The following LYN variants were observed in gnomAD, a reference collection of about 807,000 sequenced individuals.
The protein encoded by LYN is LYN proto-oncogene, Src family tyrosine kinase.
Under a neutral mutation model 65.0 loss-of-function variants are expected in LYN, and 12 were observed. That is an observed-to-expected ratio of 0.18 (90% CI 0.12 to 0.30). LYN has a LOEUF of 0.30. Ranked by LOEUF, LYN falls within the 10% of genes least tolerant of loss-of-function variation. The pLI is 1.00. For synonymous variants in LYN, 222 were observed against 221.2 expected, an observed-to-expected ratio of 1.00 and a Z score of -0.03; for missense variants, 380 against 623.2, an observed-to-expected ratio of 0.61 and a Z score of 4.16.
chr8:55,881,373 T>C (rs1050662328), intron 1 of LYN, among the ~76,000 whole-genome samples: 1 of 152,216 alleles, frequency 6.6e-6, no homozygotes, highest in Admixed American at 6.5e-5. Flanking sequence ...AGGGATGTTT[T>C]CTCTGTACAG....
At chr8:55,910,504 GTGTATCTA>G (rs1336023955) in intron 1 of LYN, among the ~76,000 whole-genome samples, 1 of 152,076 alleles carries the variant, frequency 6.6e-6, no homozygotes. Context: ...CCATTGATCT[GTGTATCTA>G]TTTTTATGCC....
At position 55,998,367 on chromosome 8, in the gene LYN, A is replaced by G. The variant is rs1808433622; in HGVS notation, c.1072A>G (p.Ile358Val). 6.2e-7 allele frequency: 1 copy of G among 1,613,722 alleles called. No homozygotes were observed. Among genetic ancestry groups the G allele is most frequent in the South Asian group, 1.1e-5 (1 of 91,080 alleles). ...SAQIAEGMAY[I>V]ERKNYIHRDL... ...TCAGATTGCAGAGGGAATGGCATAC[A>G]TCGAGCGGAAGAACTACATTCACCG... is the stretch of plus-strand genomic sequence containing the variant. Residue 358 changes from isoleucine (I) to valine (V), a missense_variant, in exon 11 of 13, where the codon ATC becomes GTC. Ile to Val is a conservative substitution (Grantham distance 29). Around this residue, in one of 2 missense-constraint regions of LYN, gnomAD observed 223 missense variants for 430.0 expected, o/e 0.52. Coordinates refer to ENST00000519728, the MANE Select transcript of LYN (RefSeq NM_002350.4).
At chr8:55,969,228 A>C (rs1807543165) in intron 9 of LYN, among the ~76,000 whole-genome samples, 1 of 152,246 alleles carries the variant, frequency 6.6e-6, no homozygotes, top group Non-Finnish European at 1.5e-5. Context: ...AGATGTAATC[A>C]TGCCACTGCG....
intron 1 of LYN, among the ~76,000 whole-genome samples, chr8:55,891,575 G>A (rs1222296248): frequency 6.6e-6 from 1 of 152,150 alleles, no homozygotes; most frequent in Non-Finnish European, 1.5e-5. Flanking sequence ...TGGGTACAGA[G>A]TTTCAGTTTT....
At chr8:55,960,120 AAAT>A (rs1407042362) in intron 8 of LYN, among the ~76,000 whole-genome samples, 1 of 152,228 alleles carries the variant, frequency 6.6e-6, no homozygotes, top group Non-Finnish European at 1.5e-5. Flanking sequence ...CTGAATATGC[AAAT>A]AACTGATGAA....
chr8:56,003,754 AAAAG>A (rs923978251), intron 12 of LYN, among the ~76,000 whole-genome samples: 1 of 151,944 alleles, frequency 6.6e-6, no homozygotes, highest in African/African-American at 2.4e-5. Context: ...GGAAAAAGAA[AAAAG>A]AAAGTCACAT....
intron 6 of LYN, among the ~76,000 whole-genome samples, 175 bp downstream of exon 6, chr8:55,950,959 A>G (rs1363412483): frequency 1.3e-5 from 2 of 152,210 alleles, no homozygotes; most frequent in Non-Finnish European, 2.9e-5. Context: ...TAAAAGTAAT[A>G]TAGTTGAGTG....
chr8:55,939,534 G>GA (rs1172807170), intron 1 of LYN, among the ~76,000 whole-genome samples: 6 of 151,684 alleles, frequency 4.0e-5, no homozygotes, highest in Admixed American at 6.6e-5. Flanking sequence ...GAACGCAGTG[G>GA]GGGGGGGACA....
intron 1 of LYN, among the ~76,000 whole-genome samples, chr8:55,934,797 T>TGACC (rs1441862479): frequency 6.6e-6 from 1 of 152,172 alleles, no homozygotes; most frequent in African/African-American, 2.4e-5. Context: ...CTTTCCCAAT[T>TGACC]GACCCTCAAT....
intron 1 of LYN, among the ~76,000 whole-genome samples, chr8:55,923,274 G>A (rs970506231): frequency 8.5e-5 from 13 of 152,058 alleles, no homozygotes; most frequent in Admixed American, 3.3e-4. Flanking sequence ...ATGGCAGTGC[G>A]GGCAATGTGA....
intron 12 of LYN, among the ~76,000 whole-genome samples, chr8:56,004,217 T>C (rs7812680): frequency 0.29 from 43,767 of 149,378 alleles, 7,215 homozygotes; most frequent in African/African-American, 0.44. Context: ...CAGGTGTGAG[T>C]CACCGCACCC....
At chr8:55,897,690 T>C (rs1384924740) in intron 1 of LYN, among the ~76,000 whole-genome samples, 1 of 152,024 alleles carries the variant, frequency 6.6e-6, no homozygotes, top group Admixed American at 6.6e-5. Context: ...GGCAGGAAGA[T>C]CACTTGAGCG....
chr8:55,887,614 A>ATAT (rs1439578288), intron 1 of LYN, among the ~76,000 whole-genome samples: 1 of 124,642 alleles, frequency 8.0e-6, no homozygotes, highest in African/African-American at 2.9e-5. Context: ...ATATATATAT[A>ATAT]TTTTTTTTTT....
chr8:55,939,353 A>G (rs1187367998), intron 1 of LYN, among the ~76,000 whole-genome samples: 5 of 152,212 alleles, frequency 3.3e-5, no homozygotes, highest in African/African-American at 1.2e-4. Context: ...CAATGGTGGA[A>G]AGAAATTAAG....
chr8:55,957,994 G>A (rs922479683), intron 8 of LYN, among the ~76,000 whole-genome samples: 1 of 152,106 alleles, frequency 6.6e-6, no homozygotes, highest in African/African-American at 2.4e-5. Context: ...TGGATGCCTG[G>A]CATCAAAAGT....
chr8:55,904,031 T>C (rs1275493911), intron 1 of LYN, among the ~76,000 whole-genome samples: 1 of 152,042 alleles, frequency 6.6e-6, no homozygotes, highest in Non-Finnish European at 1.5e-5. Flanking sequence ...TTATCATTTA[T>C]GTAGAGCTTG....
intron 11 of LYN, among the ~76,000 whole-genome samples, chr8:55,998,702 T>C (rs1291093824): frequency 6.6e-6 from 1 of 152,226 alleles, no homozygotes; most frequent in East Asian, 1.9e-4. Context: ...CATGATACTT[T>C]TGTTAGGCTT....
intron 2 of LYN, among the ~76,000 whole-genome samples, chr8:55,943,447 G>A (rs7844404): frequency 0.12 from 18,431 of 151,612 alleles, 1,362 homozygotes; most frequent in Middle Eastern, 0.27. Flanking sequence ...GTGGTGGTGC[G>A]TGCCTGTAGT....
rs892622348 is a variant in LYN at position 55,987,956 on chromosome 8, C to A, written c.1051-10390C>A. ...GTAGTAGCTAATACATGGTAGCAATCATCATCATCATCAAAGTATAGATTT... is the reference window on the plus strand; with the variant it reads ...GTAGTAGCTAATACATGGTAGCAATAATCATCATCATCAAAGTATAGATTT... On this transcript the variant is annotated intron_variant, in intron 10 of 12. Coordinates refer to ENST00000519728, the MANE Select transcript of LYN (RefSeq NM_002350.4). 4.6e-5 allele frequency among the ~76,000 whole-genome samples: 7 copies of A among 152,302 alleles called. No homozygotes were observed. In the East Asian group the frequency reaches 9.6e-4, roughly 21 times the overall value.
Sources: allele counts gnomAD v4.1 joint callset (sites outside exome capture counted in the v4.1 genomes callset), GRCh38; gene constraint gnomAD v4.1.1; regional missense constraint gnomAD v4.1.1; transcripts MANE v1.5; gene names NCBI Gene and HGNC (gene_info 2026-07-23, HGNC 2026-07-21).